Variants in MYO3B observed in about 807,000 individuals in gnomAD.
MYO3B encodes myosin IIIB, also known as myosin-IIIb.
In MYO3B, 156 loss-of-function variants were observed where a neutral mutation model predicts 174.6. The ratio of observed to expected loss-of-function variants is 0.89; its 90% CI spans 0.78 to 1.02. The LOEUF is 1.02. Among genes scored for constraint, MYO3B ranks in the 50% least tolerant of loss-of-function variants. The pLI is 0.00. For synonymous variants in MYO3B, 563 were observed against 569.1 expected, an observed-to-expected ratio of 0.99 and a Z score of 0.15; for missense variants, 1,632 against 1,639.4, an observed-to-expected ratio of 1.00 and a Z score of 0.08.
intron 23 of MYO3B, among the ~76,000 whole-genome samples, chr2:170,454,809 T>A (rs925368314): frequency 1.3e-5 from 2 of 152,210 alleles, no homozygotes; most frequent in African/African-American, 4.8e-5. Context: ...GAGTTTTTTT[T>A]ATTACTAAAA....
chr2:170,629,790 C>T (rs1167247109), intron 32 of MYO3B, among the ~76,000 whole-genome samples: 1 of 152,190 alleles, frequency 6.6e-6, no homozygotes, highest in African/African-American at 2.4e-5. Context: ...GCAGACATTG[C>T]AGTTAGCCAA....
At chr2:170,523,647 C>T (rs938502052) in intron 30 of MYO3B, among the ~76,000 whole-genome samples, 4 of 152,144 alleles carry the variant, frequency 2.6e-5, no homozygotes, top group Admixed American at 2.6e-4. Flanking sequence ...AGACACAGGC[C>T]CCTTGCATCT....
intron 32 of MYO3B, among the ~76,000 whole-genome samples, chr2:170,614,911 C>T (rs952516712): frequency 2.0e-5 from 3 of 152,152 alleles, no homozygotes; most frequent in Non-Finnish European, 4.4e-5. Flanking sequence ...TTACTACTGG[C>T]CCTTCTTCAC....
At chr2:170,495,250 C>A (rs547613439) in intron 25 of MYO3B, among the ~76,000 whole-genome samples, 2 of 152,336 alleles carry the variant, frequency 1.3e-5, no homozygotes, top group South Asian at 2.1e-4. Context: ...TGGTTCCTTT[C>A]AGCTTAGCCT....
At chr2:170,189,194 G>A (rs752639309) in intron 1 of MYO3B, among the ~76,000 whole-genome samples, 1 of 152,086 alleles carries the variant, frequency 6.6e-6, no homozygotes, top group African/African-American at 2.4e-5. Flanking sequence ...GCTGCCAGAT[G>A]ATGACTGGAG....
At chr2:170,272,424 A>G (rs1349231038) in intron 7 of MYO3B, among the ~76,000 whole-genome samples, 3 of 152,046 alleles carry the variant, frequency 2.0e-5, no homozygotes, top group Non-Finnish European at 4.4e-5. Flanking sequence ...TGTCCAATCC[A>G]TTCCCCACAT....
At chr2:170,335,925 C>G (rs1010414188) in intron 8 of MYO3B, among the ~76,000 whole-genome samples, 3 of 151,958 alleles carry the variant, frequency 2.0e-5, no homozygotes, top group Admixed American at 2.0e-4. Flanking sequence ...CTTGGGGTAC[C>G]AAGGTAAGGT....
At chr2:170,407,913 G>C in intron 22 of MYO3B, 69 bp downstream of exon 22, 2 of 1,587,788 alleles carry the variant, frequency 1.3e-6, no homozygotes, top group Non-Finnish European at 1.7e-6. Context: ...TTTCCAGTTA[G>C]TGTCTGAATA....
intron 7 of MYO3B, among the ~76,000 whole-genome samples, chr2:170,292,668 C>T (rs896081007): frequency 5.9e-5 from 9 of 152,196 alleles, no homozygotes; most frequent in Admixed American, 2.6e-4. Flanking sequence ...CTGAGCCCTG[C>T]CTGTTTCAAA....
chr2:170,316,733 C>A (rs188161834), intron 7 of MYO3B, among the ~76,000 whole-genome samples: 1 of 152,176 alleles, frequency 6.6e-6, no homozygotes, highest in Non-Finnish European at 1.5e-5. Flanking sequence ...ATAACTCAGT[C>A]GATAGTTATG....
At chr2:170,546,745 A>T (rs1690518941) in intron 32 of MYO3B, among the ~76,000 whole-genome samples, 1 of 152,196 alleles carries the variant, frequency 6.6e-6, no homozygotes, top group Non-Finnish European at 1.5e-5. Flanking sequence ...TTTGTGTTTC[A>T]TTCTGTGCTT....
chr2:170,490,993 T>C (rs1686431090), intron 25 of MYO3B, among the ~76,000 whole-genome samples: 1 of 152,166 alleles, frequency 6.6e-6, no homozygotes, highest in Non-Finnish European at 1.5e-5. Flanking sequence ...ACCAATTTTA[T>C]TAACTTTATC....
chr2:170,308,698 T>C (rs2093717339), intron 7 of MYO3B, among the ~76,000 whole-genome samples: 1 of 152,256 alleles, frequency 6.6e-6, no homozygotes, highest in South Asian at 2.1e-4. Flanking sequence ...AATACCACTT[T>C]TATTCTGTAT....
intron 33 of MYO3B, 111 bp downstream of exon 33, chr2:170,651,845 C>T (rs1306813179): frequency 1.6e-5 from 12 of 764,178 alleles, no homozygotes; most frequent in East Asian, 3.0e-5. Flanking sequence ...CTCATGCTCT[C>T]GTCTTGAACA....
At chr2:170,464,529 A>G (rs1194849446) in intron 24 of MYO3B, among the ~76,000 whole-genome samples, 1 of 152,068 alleles carries the variant, frequency 6.6e-6, no homozygotes, top group East Asian at 1.9e-4. Flanking sequence ...AGCACTCTGG[A>G]TAGAAGGCTC....
At chr2:170,630,238 C>T (rs563298273) in intron 32 of MYO3B, among the ~76,000 whole-genome samples, 1 of 152,328 alleles carries the variant, frequency 6.6e-6, no homozygotes, top group Non-Finnish European at 1.5e-5. Context: ...TAGCATGCAG[C>T]ACACCAGGAG....
chr2:170,330,098 C>T (rs56288890), intron 7 of MYO3B, among the ~76,000 whole-genome samples: 7,232 of 152,190 alleles, frequency 0.048, 317 homozygotes, highest in African/African-American at 0.11. Context: ...CCCTAACACC[C>T]TCCTCCCCTA....
intron 32 of MYO3B, among the ~76,000 whole-genome samples, chr2:170,619,154 C>G (rs919262200): frequency 7.9e-5 from 12 of 152,178 alleles, no homozygotes; most frequent in African/African-American, 2.9e-4. Context: ...TCCATATGGA[C>G]AGGCGCCCCA....
At chr2:170,611,501 A>AGGACAGTGG (rs558992579) in intron 32 of MYO3B, among the ~76,000 whole-genome samples, 1 of 152,206 alleles carries the variant, frequency 6.6e-6, no homozygotes, top group Non-Finnish European at 1.5e-5. Flanking sequence ...GCGGGTGTTG[A>AGGACAGTGG]GGACAGTGGG....
Sources: gnomAD v4.1 joint callset for allele counts (sites outside exome capture counted in the v4.1 genomes callset) on GRCh38, gnomAD v4.1.1 for gene constraint, MANE v1.5 for transcripts, NCBI Gene and HGNC (gene_info 2026-07-23, HGNC 2026-07-21) for gene names.